Variants in MEGF11 observed in about 807,000 individuals in gnomAD.
MEGF11 encodes multiple epidermal growth factor-like domains protein 11.
MEGF11 carries 126 observed loss-of-function variants against 146.6 expected under a neutral mutation model. The ratio of observed to expected loss-of-function variants is 0.86; its 90% confidence interval spans 0.74 to 1.00. The LOEUF (loss-of-function observed/expected upper bound fraction) is 1.00, where lower values mean the gene tolerates loss of function less well. MEGF11 is among the 50% of genes least tolerant of loss of function. The pLI is 0.00. For missense variants in MEGF11, 1,509 were observed against 1,521.2 expected, an observed-to-expected ratio of 0.99 and a Z score of 0.13; for synonymous variants, 532 against 583.4, an observed-to-expected ratio of 0.91 and a Z score of 1.27.
intron 5 of MEGF11, among the ~76,000 whole-genome samples, chr15:66,036,738 G>T (rs1270838290): frequency 6.6e-6 from 1 of 152,204 alleles, no homozygotes; most frequent in Non-Finnish European, 1.5e-5. Flanking sequence ...CAGGGAGCTG[G>T]GAGCCTTAAA....
chr15:66,065,867 C>CCAAGGTTCCTTCACCA (rs1302807386), intron 5 of MEGF11, among the ~76,000 whole-genome samples: 1 of 152,128 alleles, frequency 6.6e-6, no homozygotes, highest in Non-Finnish European at 1.5e-5. Flanking sequence ...CCTCACCTTC[C>CCAAGGTTCCTTCACCA]AGGGAACTTG....
At chr15:66,091,786 T>C (rs1305414835) in intron 5 of MEGF11, among the ~76,000 whole-genome samples, 2 of 152,072 alleles carry the variant, frequency 1.3e-5, no homozygotes, top group Non-Finnish European at 1.5e-5. Flanking sequence ...GATCTAGGAG[T>C]GAGCATTTAA....
At chr15:66,018,501 T>G (rs1393347107) in intron 5 of MEGF11, among the ~76,000 whole-genome samples, 2 of 152,202 alleles carry the variant, frequency 1.3e-5, no homozygotes, top group Non-Finnish European at 2.9e-5. Flanking sequence ...GAACCCCAGA[T>G]GCCCACTCTA....
Position 66,089,684 on chromosome 15 carries a change from C to T in MEGF11, c.394+4718G>A, listed in dbSNP as rs1296713423. ...TTAGGAATTGGCTCACGTCCTTCTC[C>T]GTACAGCTGAAATCTCATAAATGAA... On this transcript the variant is annotated intron_variant, in intron 5 of 25. Transcript: ENST00000395614. Among the ~76,000 whole-genome samples, 11 of 152,304 alleles carry T rather than the reference C, an allele frequency of 7.2e-5. No homozygotes were observed. In the East Asian group the frequency reaches 1.9e-3, roughly 27 times the overall value.
intron 5 of MEGF11, among the ~76,000 whole-genome samples, chr15:66,009,844 T>C (rs1461532193): frequency 6.6e-6 from 1 of 152,054 alleles, no homozygotes; most frequent in Non-Finnish European, 1.5e-5. Context: ...TCCACCCACA[T>C]CGGCCTCCCA....
chr15:66,018,456 G>T (rs143108674), intron 5 of MEGF11, among the ~76,000 whole-genome samples: 2 of 152,244 alleles, frequency 1.3e-5, no homozygotes. Flanking sequence ...ACTCAGCCCC[G>T]CTGTGGTTTC....
chr15:66,188,935 G>T (rs2090792813), intron 1 of MEGF11, among the ~76,000 whole-genome samples: 1 of 152,198 alleles, frequency 6.6e-6, no homozygotes, highest in Non-Finnish European at 1.5e-5. Context: ...AGCAGATTTT[G>T]CCTCCTACCT....
At chr15:66,129,610 T>A (rs1012659184) in intron 1 of MEGF11, among the ~76,000 whole-genome samples, 7 of 152,216 alleles carry the variant, frequency 4.6e-5, no homozygotes, top group African/African-American at 1.7e-4. Flanking sequence ...TCTATCCCGC[T>A]GGCCCTGGGT....
chr15:66,037,606 G>T (rs1258748085), intron 5 of MEGF11, among the ~76,000 whole-genome samples: 1 of 152,210 alleles, frequency 6.6e-6, no homozygotes, highest in Non-Finnish European at 1.5e-5. Flanking sequence ...ATAGGGTGGG[G>T]TGAGGGCAAG....
chr15:66,051,467 G>A (rs556252163), intron 5 of MEGF11, among the ~76,000 whole-genome samples: 99 of 152,306 alleles, frequency 6.5e-4, no homozygotes, highest in South Asian at 4.1e-3. Flanking sequence ...CAACAGAGAA[G>A]TCTGTCTCAA....
chr15:65,971,007 A>C, intron 7 of MEGF11: 1 of 372,954 alleles, frequency 2.7e-6, no homozygotes, highest in Non-Finnish European at 5.0e-6. Context: ...CGCTAAGTAC[A>C]AGGCAGTAAG....
chr15:66,128,340 G>A lies in MEGF11; in HGVS notation c.64C>T (p.Pro22Ser). ...TGGCTGCACACGTTGGGGTCCTCGG[G>A]GTTCAGGGCAAGGGTGGCTTGCAGG... ...SFLQATLALN[P>S]EDPNVCSHWE... Residue 22 changes from proline to serine, a missense_variant, in exon 2 of 26, where the codon CCC (proline) becomes TCC (serine). Coordinates refer to ENST00000395614, the MANE Select transcript of MEGF11 (RefSeq NM_001385028.1). 5 of 1,525,608 alleles carry A rather than the reference G, an allele frequency of 3.3e-6. No individual in the cohort carries two copies. The highest frequency in any genetic ancestry group is 4.4e-6 in the Non-Finnish European group (5 of 1,135,070). The allele number at this position is 1,525,608 out of a possible 1,614,324, so 94.5% of individuals were successfully genotyped here.
chr15:65,950,610 CACACACACACACACACAA>C (rs1490387880), intron 10 of MEGF11, among the ~76,000 whole-genome samples: 22 of 59,334 alleles, frequency 3.7e-4, no homozygotes, highest in Non-Finnish European at 7.9e-4. Flanking sequence ...CACACACACA[CACACACACACACACACAA>C]AAGGAAATAA....
Position 65,929,856 on chromosome 15 carries a change from G to T in MEGF11, c.1436C>A (p.Pro479Gln). ...CAGGCCCCACGTCCCACTGGGACAT[G>T]GCAGGGTGCAGTCCAGGCCCTGCCA... Reference protein sequence around the residue: ...EGWQGLDCTLPCPSGTWGLNC... With the variant: ...EGWQGLDCTLQCPSGTWGLNC... Residue 479 changes from proline to glutamine, a missense_variant, in exon 12 of 26, where the codon CCA becomes CAA. Physicochemically the swap from Pro to Gln is moderately conservative, Grantham distance 76 (BLOSUM62 -1). Coordinates refer to ENST00000395614, the MANE Select transcript of MEGF11 (RefSeq NM_001385028.1). The T allele has an allele frequency of 6.3e-7, 1 of 1,598,358 alleles. No individual in the cohort carries two copies. The highest frequency in any genetic ancestry group is 8.5e-7 in the Non-Finnish European group (1 of 1,172,800).
intron 1 of MEGF11, among the ~76,000 whole-genome samples, chr15:66,170,499 C>G (rs1189632191): frequency 2.6e-5 from 4 of 152,184 alleles, no homozygotes; most frequent in African/African-American, 9.6e-5. Flanking sequence ...GGTTCAGGCC[C>G]AGCTTCCTGG....
intron 15 of MEGF11, among the ~76,000 whole-genome samples, chr15:65,918,880 C>A (rs1452407423): frequency 6.6e-6 from 1 of 152,232 alleles, no homozygotes; most frequent in South Asian, 2.1e-4. Flanking sequence ...ATTCATCCCC[C>A]ACCTGCTTTC....
At chr15:65,922,546 A>G in intron 14 of MEGF11, 74 bp from the exon 15 acceptor site, 1 of 1,468,804 alleles carries the variant, frequency 6.8e-7, no homozygotes, top group Non-Finnish European at 9.0e-7. Context: ...CCTGTTCCAC[A>G]CTTCTCAGAA....
intron 5 of MEGF11, among the ~76,000 whole-genome samples, chr15:65,997,533 C>T (rs28721274): frequency 0.012 from 1,817 of 152,288 alleles, 32 homozygotes; most frequent in African/African-American, 0.039. Flanking sequence ...GCTCTCTCCC[C>T]CATCCTCTGG....
intron 5 of MEGF11, among the ~76,000 whole-genome samples, chr15:66,022,735 T>G (rs1861828751): frequency 6.9e-6 from 1 of 145,512 alleles, no homozygotes; most frequent in African/African-American, 2.6e-5. Flanking sequence ...GAGGCTGAGG[T>G]GGGAGCATCA....
Sources: allele counts gnomAD v4.1 joint callset (sites outside exome capture counted in the v4.1 genomes callset), GRCh38; gene constraint gnomAD v4.1.1; transcripts MANE v1.5; gene names NCBI Gene and HGNC (gene_info 2026-07-23, HGNC 2026-07-21).